DNAJC24: variants seen among roughly 807,000 people sequenced by gnomAD.
DNAJC24 encodes DnaJ heat shock protein family (Hsp40) member C24.
In DNAJC24, 17 loss-of-function variants were observed where a neutral mutation model predicts 18.0. The observed-to-expected ratio is 0.94, with a 90% CI of 0.65 to 1.42. The LOEUF is 1.42. Ranked by LOEUF, DNAJC24 falls within the 40% of genes most tolerant of loss-of-function variation. The probability of loss-of-function intolerance (pLI) is 0.00; values close to 1 mark genes in which losing one functional copy is unlikely to be tolerated. For missense variants in DNAJC24, 158 were observed against 175.6 expected, an observed-to-expected ratio of 0.90 and a Z score of 0.57; for synonymous variants, 55 against 57.7, an observed-to-expected ratio of 0.95 and a Z score of 0.21.
At chr11:31,378,714 A>T (rs1453203312) in intron 2 of DNAJC24, among the ~76,000 whole-genome samples, 1 of 152,052 alleles carries the variant, frequency 6.6e-6, no homozygotes, top group Non-Finnish European at 1.5e-5. Flanking sequence ...ATCTTTAGAG[A>T]AAAGGTATTA....
intron 2 of DNAJC24, among the ~76,000 whole-genome samples, chr11:31,379,150 G>C (rs575573274): frequency 6.6e-6 from 1 of 151,936 alleles, no homozygotes; most frequent in Admixed American, 6.6e-5. Context: ...CAGTCCCCGC[G>C]CTGCAAACCA....
chr11:31,416,875 C>G (rs1952755521), intron 3 of DNAJC24: 2 of 152,082 alleles, frequency 1.3e-5, no homozygotes, highest in Non-Finnish European at 2.9e-5. Context: ...GTCCTTGGAA[C>G]TGCGGATTTC....
chr11:31,403,117 A>G (rs529192163), intron 2 of DNAJC24, among the ~76,000 whole-genome samples: 2 of 140,152 alleles, frequency 1.4e-5, no homozygotes, highest in East Asian at 4.3e-4. Context: ...GTTAATATGC[A>G]TATATGCATG....
intron 4 of DNAJC24, 176 bp downstream of exon 4, chr11:31,426,531 T>A: frequency 2.0e-6 from 1 of 491,324 alleles, no homozygotes; most frequent in South Asian, 3.6e-5. Context: ...CTTTATTTAT[T>A]GACTGATGTC....
intron 2 of DNAJC24, among the ~76,000 whole-genome samples, chr11:31,405,789 G>A (rs1952651921): frequency 6.6e-6 from 1 of 152,110 alleles, no homozygotes; most frequent in African/African-American, 2.4e-5. Flanking sequence ...AAATTTATTG[G>A]CTCACAGTTC....
At chr11:31,382,910 A>G (rs756793399) in intron 2 of DNAJC24, among the ~76,000 whole-genome samples, 26 of 152,208 alleles carry the variant, frequency 1.7e-4, no homozygotes, top group South Asian at 4.1e-4. Flanking sequence ...ACTGGCTGTA[A>G]ATCTGGGTTC....
At chr11:31,398,358 AT>A (rs1471249471) in intron 2 of DNAJC24, among the ~76,000 whole-genome samples, 1 of 152,148 alleles carries the variant, frequency 6.6e-6, no homozygotes, top group Non-Finnish European at 1.5e-5. Context: ...CCCATCATTA[AT>A]TTTGAACACC....
At chr11:31,420,253 C>G (rs1170085427) in intron 3 of DNAJC24, among the ~76,000 whole-genome samples, 1 of 152,022 alleles carries the variant, frequency 6.6e-6, no homozygotes, top group Non-Finnish European at 1.5e-5. Flanking sequence ...AACCATCCTC[C>G]TGTTCTGATT....
At chr11:31,408,209 T>G (rs1324664489) in intron 2 of DNAJC24, 1 of 456,212 alleles carries the variant, frequency 2.2e-6, no homozygotes, top group East Asian at 7.0e-5. Context: ...GACTTGCCCA[T>G]GAATTCCTTG....
chr11:31,416,215 G>A (rs1221199697), intron 3 of DNAJC24: 1 of 152,128 alleles, frequency 6.6e-6, no homozygotes, highest in Non-Finnish European at 1.5e-5. Context: ...TTTCAAAAAT[G>A]GCTTGAATAT....
intron 3 of DNAJC24, among the ~76,000 whole-genome samples, chr11:31,425,591 G>A (rs1170400852): frequency 6.6e-6 from 1 of 152,046 alleles, no homozygotes; most frequent in Non-Finnish European, 1.5e-5. Context: ...TTATGTGTGG[G>A]TGCGTGTGGA....
chr11:31,423,119 G>T (rs563431094), intron 3 of DNAJC24, among the ~76,000 whole-genome samples: 1 of 152,020 alleles, frequency 6.6e-6, no homozygotes, highest in Admixed American at 6.6e-5. Flanking sequence ...ATTTAAAAAT[G>T]TAGCCACTTA....
chr11:31,415,038 T>A, intron 3 of DNAJC24, 89 bp downstream of exon 3: 1 of 1,421,330 alleles, frequency 7.0e-7, no homozygotes, highest in Non-Finnish European at 9.5e-7. Flanking sequence ...TTCCAGCATT[T>A]GCACCAAGTG....
At chr11:31,410,887 T>G (rs557739500) in intron 2 of DNAJC24, among the ~76,000 whole-genome samples, 1 of 152,228 alleles carries the variant, frequency 6.6e-6, no homozygotes, top group Non-Finnish European at 1.5e-5. Context: ...GAAATTTTGA[T>G]AGGGATTGTA....
chr11:31,397,434 C>T (rs527465512), intron 2 of DNAJC24, among the ~76,000 whole-genome samples: 1 of 150,660 alleles, frequency 6.6e-6, no homozygotes, highest in South Asian at 2.1e-4. Context: ...TTTTACTAAG[C>T]AATAGGTGGC....
At chr11:31,405,494 A>G (rs1412570801) in intron 2 of DNAJC24, among the ~76,000 whole-genome samples, 1 of 149,920 alleles carries the variant, frequency 6.7e-6, no homozygotes, top group East Asian at 2.0e-4. Flanking sequence ...CTTTTTATTT[A>G]TTTGAGACAA....
chr11:31,425,838 T>C (rs761491942), intron 3 of DNAJC24, among the ~76,000 whole-genome samples: 9 of 152,162 alleles, frequency 5.9e-5, no homozygotes, highest in Admixed American at 2.0e-4. Context: ...AACAAACCAA[T>C]ACACCTAATG....
At chr11:31,429,225 T>TAA (rs35395087) in intron 4 of DNAJC24, among the ~76,000 whole-genome samples, 1 of 137,954 alleles carries the variant, frequency 7.2e-6, no homozygotes. Flanking sequence ...CCTTACTGAT[T>TAA]AAAAAAAAAA....
At chr11:31,422,033 G>A (rs1952811072) in intron 3 of DNAJC24, 2 of 407,450 alleles carry the variant, frequency 4.9e-6, no homozygotes, top group South Asian at 3.8e-5. Flanking sequence ...TTGAGACAAT[G>A]GAGCCACAGA....
Sources: gnomAD v4.1 joint callset for allele counts (sites outside exome capture counted in the v4.1 genomes callset) on GRCh38, gnomAD v4.1.1 for gene constraint, MANE v1.5 for transcripts, NCBI Gene and HGNC (gene_info 2026-07-23, HGNC 2026-07-21) for gene names.